The following NDC80 variants were observed in gnomAD, a reference collection of about 807,000 sequenced individuals.
The protein encoded by NDC80 is kinetochore protein NDC80 homolog.
Under a neutral mutation model 89.3 loss-of-function variants are expected in NDC80, and 69 were observed. The ratio of observed to expected loss-of-function variants is 0.77; its 90% CI spans 0.64 to 0.94. The LOEUF is 0.94. Among genes scored for constraint, NDC80 ranks in the 40% least tolerant of loss-of-function variants. The pLI is 0.00. For synonymous variants in NDC80, 243 were observed against 255.6 expected (o/e 0.95, Z 0.47); for missense variants, 593 against 739.6 (o/e 0.80, Z 2.30).
rs577123726 is a variant in NDC80, at chr18:2,583,191, C to T, written c.580-1922C>T. 7.9e-5 allele frequency among the ~76,000 whole-genome samples: 12 copies of T among 152,284 alleles called. No homozygotes were observed. The East Asian group carries it at 2.1e-3, about 27-fold the overall frequency. ...GTTGAAACTATTTCAACCAGTCTTC[C>T]TAGTTCACAATTCTTCAGTCCTTTC... On this transcript the variant is annotated intron_variant, in intron 6 of 16. Coordinates refer to ENST00000261597, the MANE Select transcript of NDC80 (RefSeq NM_006101.3).
chr18:2,580,490 G>A (rs941232672), intron 6 of NDC80, among the ~76,000 whole-genome samples: 4 of 151,826 alleles, frequency 2.6e-5, no homozygotes, highest in African/African-American at 9.7e-5. Context: ...ACATTGTCTT[G>A]GCCATCAGCA....
intron 6 of NDC80, among the ~76,000 whole-genome samples, chr18:2,580,730 G>GTTTTTTTTTTTT (rs1567997102): frequency 2.1e-5 from 1 of 48,114 alleles, no homozygotes; most frequent in Non-Finnish European, 5.1e-5. Context: ...CTCACCATCA[G>GTTTTTTTTTTTT]ATTTTTTTTT....
chr18:2,589,969 A>G (rs2072619565), intron 9 of NDC80, 49 bp from the exon 10 acceptor site: 5 of 1,234,510 alleles, frequency 4.1e-6, no homozygotes, highest in Non-Finnish European at 5.4e-6. Context: ...AAAATAAAAT[A>G]TGGAATGGTT....
At chr18:2,599,228 G>A in intron 12 of NDC80, 57 bp downstream of exon 12, 1 of 1,452,316 alleles carries the variant, frequency 6.9e-7, no homozygotes, top group Non-Finnish European at 9.3e-7. Context: ...GTATCTCTAA[G>A]AGTTTGAACT....
chr18:2,592,265 T>C (rs2072631368), intron 10 of NDC80, among the ~76,000 whole-genome samples: 1 of 152,228 alleles, frequency 6.6e-6, no homozygotes, highest in Admixed American at 6.5e-5. Context: ...GTTTTTATTC[T>C]ATGAGTGTTT....
intron 6 of NDC80, among the ~76,000 whole-genome samples, chr18:2,580,313 G>A (rs1287857890): frequency 6.6e-6 from 1 of 151,486 alleles, no homozygotes; most frequent in African/African-American, 2.4e-5. Flanking sequence ...TCTATATGGT[G>A]CAAGCAATTT....
chr18:2,608,826 C>T lies in NDC80; in HGVS notation c.1684C>T (p.Arg562Trp), dbSNP rs769833111. The change falls in exon 15 of 17, where the codon CGG becomes TGG. Residue 562 changes from arginine (R) to tryptophan (W), a missense_variant. Transcript: ENST00000261597. ...EAMNELDAVQ[R>W]EYQLVVQTTT... is the part of the protein sequence containing the mutation. ...TATGAATGAATTAGATGCTGTTCAG[C>T]GGGAGTAAGTTTATCTCACCAAGAT... The T allele has an allele frequency of 3.5e-5, 56 of 1,601,712 alleles. No homozygotes were observed. The highest frequency in any genetic ancestry group is 1.5e-4 in the Admixed American group (9 of 59,754).
intron 10 of NDC80, 138 bp from the exon 11 acceptor site, chr18:2,595,276 CAT>C (rs531301336): frequency 6.5e-4 from 126 of 194,082 alleles, no homozygotes; most frequent in African/African-American, 2.5e-3. Flanking sequence ...ACTATAAAAA[CAT>C]ATATATAATA....
chr18:2,575,200 A>C lies in NDC80; in HGVS notation c.179+134A>C, dbSNP rs80010836. The stretch of plus-strand genomic sequence containing the variant: ...ATAATCTAGTTTTCCTCTGATTTTA[A>C]ATGGTTAAAATTTTAGTTTACATCT... On this transcript the variant is annotated intron_variant, in intron 3 of 16. Transcript: ENST00000261597. 6,665 of 681,352 alleles carry C rather than the reference A, an allele frequency of 9.8e-3. 270 individuals carry two copies. In the East Asian group the frequency reaches 0.1, roughly 10 times the overall value. The allele number at this position is 681,352 out of a possible 1,614,324, so 42.2% of individuals were successfully genotyped here. A position where few individuals can be genotyped will look rare whatever the true frequency, so the allele number is the denominator to read the frequency against.
intron 11 of NDC80, among the ~76,000 whole-genome samples, chr18:2,597,317 C>G (rs1055724252): frequency 2.0e-5 from 3 of 152,090 alleles, no homozygotes; most frequent in Non-Finnish European, 4.4e-5. Context: ...CCAGAAAGCC[C>G]TAAGAAGGTC....
chr18:2,575,117 T>C, intron 3 of NDC80, 51 bp downstream of exon 3: 2 of 1,303,702 alleles, frequency 1.5e-6, no homozygotes, highest in Non-Finnish European at 1.1e-6. Flanking sequence ...TAGCCATACG[T>C]TGTTGCCCTC....
intron 10 of NDC80, among the ~76,000 whole-genome samples, chr18:2,592,329 T>G (rs1226385531): frequency 6.6e-6 from 1 of 151,860 alleles, no homozygotes; most frequent in Non-Finnish European, 1.5e-5. Flanking sequence ...GAGACATATT[T>G]AAATTTTATT....
chr18:2,602,552 G>A (rs1568008617), intron 13 of NDC80, among the ~76,000 whole-genome samples: 1 of 152,058 alleles, frequency 6.6e-6, no homozygotes, highest in East Asian at 1.9e-4. Flanking sequence ...TCTGTTTTTT[G>A]CTGTAATGGG....
intron 6 of NDC80, among the ~76,000 whole-genome samples, chr18:2,584,498 T>A (rs965054312): frequency 3.9e-5 from 6 of 152,172 alleles, no homozygotes; most frequent in Non-Finnish European, 8.8e-5. Context: ...AAAATGGAAT[T>A]TCTATGCCTT....
At chr18:2,579,270 T>C (rs932940479) in intron 6 of NDC80, 1 of 351,384 alleles carries the variant, frequency 2.8e-6, no homozygotes, top group Non-Finnish European at 5.1e-6. Context: ...AATGAGTCAA[T>C]AGGAAATTCA....
chr18:2,591,686 C>A (rs942355518), intron 10 of NDC80, among the ~76,000 whole-genome samples: 8 of 150,144 alleles, frequency 5.3e-5, no homozygotes, highest in African/African-American at 2.0e-4. Flanking sequence ...TTTGTTTATT[C>A]TTCATGATGA....
chr18:2,571,582 A>G lies in NDC80; in HGVS notation c.-111A>G, dbSNP rs1264125691. 6.6e-6 allele frequency: 1 copy of G among 152,238 alleles called. No individual in the cohort carries two copies. Among genetic ancestry groups the G allele is most frequent in the Non-Finnish European group, 1.5e-5 (1 of 68,040 alleles). The allele number at this position is 152,238 out of a possible 1,614,324, so 9.4% of individuals were successfully genotyped here. A position where few individuals can be genotyped will look rare whatever the true frequency, so the allele number is the denominator to read the frequency against. Reference sequence around the variant, plus strand: ...AAATTCGAACGGCTTTGGCGGGCCGAGGAAGGACCTGGTGTTTTGATGACC... The same window carrying G: ...AAATTCGAACGGCTTTGGCGGGCCGGGGAAGGACCTGGTGTTTTGATGACC... On this transcript the variant is annotated 5_prime_UTR_variant, in exon 1 of 17. Transcript: ENST00000261597.
intron 11 of NDC80, among the ~76,000 whole-genome samples, chr18:2,597,175 T>C (rs912500243): frequency 6.6e-6 from 1 of 151,448 alleles, no homozygotes. Context: ...TAAAGTATAA[T>C]AATAATAAAA....
intron 7 of NDC80, among the ~76,000 whole-genome samples, chr18:2,585,983 C>T (rs866481030): frequency 4.9e-4 from 75 of 152,196 alleles, no homozygotes; most frequent in Middle Eastern, 3.4e-3. Context: ...AGACATATTG[C>T]CCCTTAGCCC....
Sources: allele counts gnomAD v4.1 joint callset (sites outside exome capture counted in the v4.1 genomes callset), GRCh38; gene constraint gnomAD v4.1.1; transcripts MANE v1.5; gene names NCBI Gene and HGNC (gene_info 2026-07-23, HGNC 2026-07-21).